The following EPX variants were observed in gnomAD, a reference collection of about 807,000 sequenced individuals.
EPX encodes the protein eosinophil peroxidase.
A neutral mutation model predicts 73.0 loss-of-function variants in EPX; 60 were observed. The ratio of observed to expected loss-of-function variants is 0.82; its 90% confidence interval spans 0.67 to 1.02. EPX has a LOEUF of 1.02. Among genes scored for constraint, EPX ranks in the 50% least tolerant of loss-of-function variants. The pLI is 0.00. For synonymous variants in EPX, 347 were observed against 389.2 expected (o/e 0.89, Z 1.28); for missense variants, 950 against 973.9 (o/e 0.98, Z 0.33).
intron 6 of EPX, 57 bp downstream of exon 6, chr17:58,195,227 T>G (rs1386011170): frequency 5.1e-6 from 7 of 1,374,312 alleles, no homozygotes; most frequent in African/African-American, 1.4e-5. Flanking sequence ...AAAGGCAAGG[T>G]GCTGGGGGTG....
chr17:58,204,258 A>G lies in EPX; in HGVS notation c.1983A>G (p.Arg661=). 3 of 1,614,174 alleles carry G rather than the reference A, an allele frequency of 1.9e-6. No homozygotes were observed. Among genetic ancestry groups the G allele is most frequent in the Middle Eastern group, 1.6e-4 (1 of 6,062 alleles). ...AGAAACGAGGTGTTTTCACCAAAAG[A>G]CAGCGCAAGGCCCTGAGCAGAATTT... ...WWQKRGVFTK[R]QRKALSRISL... The change falls in exon 12 of 13, where the codon AGA becomes AGG. Residue 661 remains arginine (R), a synonymous_variant. Coordinates refer to ENST00000225371, the MANE Select transcript of EPX (RefSeq NM_000502.6).
rs776951814 is a variant in EPX at position 58,204,350 on chromosome 17, A to G, written c.2075A>G (p.Asn692Ser). The G allele has an allele frequency of 1.9e-6, 3 of 1,614,016 alleles. No individual in the cohort carries two copies. The African/African-American group carries it at 4.0e-5, about 22-fold the overall frequency. Reference sequence around the variant, plus strand: ...GTTTCAAGGGACATCTTCAGAGCCAACATCTACCCTCGGGGCTTTGTGAAC... The same window carrying G: ...GTTTCAAGGGACATCTTCAGAGCCAGCATCTACCCTCGGGGCTTTGTGAAC... ...TTVSRDIFRA[N>S]IYPRGFVNCS... Residue 692 changes from asparagine (N) to serine (S), a missense_variant, in exon 12 of 13, where the codon AAC becomes AGC. Physicochemically the swap from Asn to Ser is conservative, Grantham distance 46. Transcript: ENST00000225371.
Position 58,199,550 on chromosome 17 carries a change from C to T in EPX, c.1293C>T (p.Tyr431=), listed in dbSNP as rs33979458. Residue 431 remains tyrosine, a synonymous_variant, in exon 9 of 13, where the codon TAC becomes TAT. Coordinates refer to ENST00000225371, the MANE Select transcript of EPX (RefSeq NM_000502.6). ...IMGAMVQIIT[Y]RDFLPLVLGK... is the part of the protein sequence containing the mutation. ...GTCTTCCCTTCCAGATCATCACCTACCGAGACTTTCTGCCCCTGGTTCTGG... is the reference window on the plus strand; with the variant it reads ...GTCTTCCCTTCCAGATCATCACCTATCGAGACTTTCTGCCCCTGGTTCTGG... The T allele has an allele frequency of 2.1e-3, 3,319 of 1,614,212 alleles. 70 individuals carry two copies. The African/African-American group carries it at 0.037, about 18-fold the overall frequency.
intron 10 of EPX, chr17:58,202,880 A>G: frequency 1.6e-6 from 1 of 625,294 alleles, no homozygotes; most frequent in South Asian, 1.8e-5. Context: ...ATGCACACTG[A>G]GCACAGTTGT....
rs757297876 is a variant in EPX at position 58,193,943 on chromosome 17, T to C, written c.465-20T>C. 2 of 1,612,780 alleles carry C rather than the reference T, an allele frequency of 1.2e-6. No homozygotes were observed. Among genetic ancestry groups the C allele is most frequent in the Non-Finnish European group, 1.7e-6 (2 of 1,179,962 alleles). ...CTCCAGGCCCTGCCCCCTGCTAACCTATCCCACCCATGGCTGCAGGAGGAG... is the reference window on the plus strand; with the variant it reads ...CTCCAGGCCCTGCCCCCTGCTAACCCATCCCACCCATGGCTGCAGGAGGAG... On this transcript the variant is annotated intron_variant, in intron 4 of 12. Transcript: ENST00000225371.
rs988213282 is a variant in EPX, at chr17:58,204,948, G to A, written c.*224G>A. ...CTTAGGTATTAGGCTATGAATCAGCGCCACGTGCAAAGGCTTGGGAGCCAA... is the reference window on the plus strand; with the variant it reads ...CTTAGGTATTAGGCTATGAATCAGCACCACGTGCAAAGGCTTGGGAGCCAA... On this transcript the variant is annotated 3_prime_UTR_variant, in exon 13 of 13. Coordinates refer to ENST00000225371, the MANE Select transcript of EPX (RefSeq NM_000502.6). The A allele has an allele frequency of 6.0e-5, 10 of 167,586 alleles. No homozygotes were observed. The highest frequency in any genetic ancestry group is 1.3e-4 in the Non-Finnish European group (10 of 76,472). The allele number at this position is 167,586 out of a possible 1,614,324, so 10.4% of individuals were successfully genotyped here.
chr17:58,197,906 G>C (rs1202563030), intron 7 of EPX, among the ~76,000 whole-genome samples: 1 of 152,170 alleles, frequency 6.6e-6, no homozygotes, highest in Non-Finnish European at 1.5e-5. Flanking sequence ...CGTGATCTCA[G>C]CTCACTGCCA....
Position 58,199,698 on chromosome 17 carries a change from A to T in EPX, c.1441A>T (p.Met481Leu). The T allele has an allele frequency of 1.2e-6, 2 of 1,614,172 alleles. No individual in the cohort carries two copies. The highest frequency in any genetic ancestry group is 2.2e-5 in the South Asian group (2 of 91,082). The change falls in exon 9 of 13, where the codon ATG (methionine) becomes TTG (leucine). Residue 481 changes from methionine to leucine, a missense_variant. Met to Leu is a conservative substitution (Grantham distance 15). Coordinates refer to ENST00000225371, the MANE Select transcript of EPX (RefSeq NM_000502.6). ...RFGHTMLQPF[M>L]FRLDSQYRAS... The stretch of plus-strand genomic sequence containing the variant: ...TGGCCACACAATGCTCCAGCCCTTC[A>T]TGTTCCGCTTGGACAGTCAGTACCG...
intron 9 of EPX, 42 bp from the exon 10 acceptor site, chr17:58,200,183 G>C: frequency 6.2e-7 from 1 of 1,606,660 alleles, no homozygotes; most frequent in Non-Finnish European, 8.5e-7. Context: ...TAGCTTCCCA[G>C]AGGCTGGTCC....
Position 58,193,963 on chromosome 17 carries a change from G to A in EPX, c.465G>A (p.Lys155=). Reference sequence around the variant, plus strand: ...TAACCTATCCCACCCATGGCTGCAGGAGGAGACCCTTGCTAGGGGCCTCCA... The same window carrying A: ...TAACCTATCCCACCCATGGCTGCAGAAGGAGACCCTTGCTAGGGGCCTCCA... ...YRTITGRCNN[K]RRPLLGASNQ... The change falls in exon 5 of 13, where the codon AAG becomes AAA. Residue 155 remains lysine (K), a splice_region_variant and synonymous_variant. Transcript: ENST00000225371. 1 of 1,612,886 alleles carries A rather than the reference G, an allele frequency of 6.2e-7. No homozygotes were observed. Among genetic ancestry groups the A allele is most frequent in the Non-Finnish European group, 8.5e-7 (1 of 1,180,012 alleles).
At position 58,204,418 on chromosome 17, in the gene EPX, A is replaced by T; in HGVS notation, c.2143A>T (p.Thr715Ser). The change falls in exon 12 of 13, where the codon ACA becomes TCA. Residue 715 changes from threonine (T) to serine (S), a missense_variant. Transcript: ENST00000225371. Reference protein sequence around the residue: ...PRLNLSAWRGT With the variant: ...PRLNLSAWRGS ...GTTGAACCTATCAGCCTGGCGAGGG[A>T]CATGAGGCTTCTGCAGGTAAGGGGA... 6.2e-6 allele frequency: 10 copies of T among 1,613,416 alleles called. No homozygotes were observed. Among genetic ancestry groups the T allele is most frequent in the Non-Finnish European group, 7.6e-6 (9 of 1,179,398 alleles).
chr17:58,199,490 G>T, intron 8 of EPX, 49 bp from the exon 9 acceptor site: 14 of 1,608,236 alleles, frequency 8.7e-6, no homozygotes, highest in African/African-American at 1.3e-5. Context: ...AAAGGCAAGG[G>T]TATGGGTGAG....
chr17:58,199,062 C>T lies in EPX; in HGVS notation c.1143C>T (p.Thr381=). The T allele has an allele frequency of 3.1e-6, 5 of 1,613,976 alleles. No individual in the cohort carries two copies. The highest frequency in any genetic ancestry group is 2.2e-5 in the East Asian group (1 of 44,878). ...FLAGDTRSTE[T]PKLAAMHTLF... ...AAGGTGACACCCGATCAACGGAAAC[C>T]CCCAAACTGGCAGCCATGCACACCC... The change falls in exon 8 of 13, where the codon ACC becomes ACT. Residue 381 remains threonine (T), a synonymous_variant. Coordinates refer to ENST00000225371, the MANE Select transcript of EPX (RefSeq NM_000502.6).
rs996796025 is a variant in EPX, at chr17:58,204,894, A to G, written c.*170A>G. On this transcript the variant is annotated 3_prime_UTR_variant, in exon 13 of 13. Transcript: ENST00000225371. ...GGAGTGAAGGCTGGGGGCTCCTATC[A>G]GCAATGGACCTTCCCGCCTTGGGAG... 2.1e-5 allele frequency: 4 copies of G among 191,066 alleles called. No individual in the cohort carries two copies. The highest frequency in any genetic ancestry group is 5.3e-5 in the Admixed American group (1 of 18,810). The allele number at this position is 191,066 out of a possible 1,614,324, so 11.8% of individuals were successfully genotyped here. A position where few individuals can be genotyped will look rare whatever the true frequency, so the allele number is the denominator to read the frequency against.
chr17:58,204,390 C>A lies in EPX; in HGVS notation c.2115C>A (p.Pro705=). 6.2e-7 allele frequency: 1 copy of A among 1,614,140 alleles called. No individual in the cohort carries two copies. Among genetic ancestry groups the A allele is most frequent in the Non-Finnish European group, 8.5e-7 (1 of 1,179,978 alleles). The change falls in exon 12 of 13, where the codon CCC becomes CCA. Residue 705 remains proline, a synonymous_variant. Transcript: ENST00000225371. ...GCTTTGTGAACTGCAGCCGTATCCCCAGGTTGAACCTATCAGCCTGGCGAG... is the reference window on the plus strand; with the variant it reads ...GCTTTGTGAACTGCAGCCGTATCCCAAGGTTGAACCTATCAGCCTGGCGAG... ...PRGFVNCSRI[P]RLNLSAWRGT is the part of the protein sequence containing the mutation.
In EPX at chr17:58,193,566, G is replaced by A; in HGVS notation, c.346+20G>A. 1 of 1,612,680 alleles carries A rather than the reference G, an allele frequency of 6.2e-7. No individual in the cohort carries two copies. Among genetic ancestry groups the A allele is most frequent in the African/African-American group, 1.3e-5 (1 of 75,004 alleles). On this transcript the variant is annotated intron_variant, in intron 3 of 12. Coordinates refer to ENST00000225371, the MANE Select transcript of EPX (RefSeq NM_000502.6). ...TCACTGGTACTCTGATCCCCACTGA[G>A]CCCGCTGGGCCTACCCTGGCCTGGA...
chr17:58,197,058 C>T lies in EPX; in HGVS notation c.921C>T (p.Ser307=). Residue 307 remains serine (S), a synonymous_variant, in exon 7 of 13, where the codon TCC becomes TCT. Transcript: ENST00000225371. ...GCAACCAGATCAACGCGCTCACCTCCTTTGTGGACGCCAGCATGGTGTATG... is the reference window on the plus strand; with the variant it reads ...GCAACCAGATCAACGCGCTCACCTCTTTTGTGGACGCCAGCATGGTGTATG... The part of the protein sequence containing the change: ...RVRNQINALT[S]FVDASMVYGS... The T allele has an allele frequency of 6.2e-7, 1 of 1,614,238 alleles. No homozygotes were observed. The highest frequency in any genetic ancestry group is 1.3e-5 in the African/African-American group (1 of 75,056).
intron 10 of EPX, among the ~76,000 whole-genome samples, chr17:58,201,809 G>A (rs539142666): frequency 2.1e-4 from 32 of 152,182 alleles, no homozygotes; most frequent in Non-Finnish European, 3.4e-4. Flanking sequence ...AGAAAATGGT[G>A]CAGTTTGGAC....
intron 1 of EPX, 48 bp from the exon 2 acceptor site, chr17:58,192,990 G>C: frequency 6.3e-7 from 1 of 1,594,250 alleles, no homozygotes. Context: ...GGGTCTTGGA[G>C]GGGGTCTTGT....
Sources: gnomAD v4.1 joint callset for allele counts (sites outside exome capture counted in the v4.1 genomes callset) on GRCh38, gnomAD v4.1.1 for gene constraint, MANE v1.5 for transcripts, NCBI Gene and HGNC (gene_info 2026-07-23, HGNC 2026-07-21) for gene names.